The following NRG3 variants were observed in gnomAD, a reference collection of about 807,000 sequenced individuals.
NRG3 encodes the protein pro-neuregulin-3, membrane-bound isoform.
Under a neutral mutation model 66.9 loss-of-function variants are expected in NRG3, and 31 were observed. That is an observed-to-expected ratio of 0.46 (90% confidence interval 0.35 to 0.63). The LOEUF (loss-of-function observed/expected upper bound fraction) is 0.63. NRG3 is among the 20% of genes least tolerant of loss of function. NRG3 has a pLI of 0.00. For missense variants in NRG3, 910 were observed against 878.9 expected (o/e 1.04, Z -0.45); for synonymous variants, 393 against 359.4 (o/e 1.09, Z -1.06).
intron 1 of NRG3, among the ~76,000 whole-genome samples, chr10:82,292,758 A>C (rs963786233): frequency 6.6e-6 from 1 of 152,218 alleles, no homozygotes; most frequent in Non-Finnish European, 1.5e-5. Context: ...CACATACTTC[A>C]TGGCACCATT....
At chr10:82,822,139 G>C (rs1271266491) in intron 3 of NRG3, among the ~76,000 whole-genome samples, 1 of 152,150 alleles carries the variant, frequency 6.6e-6, no homozygotes, top group Admixed American at 6.5e-5. Flanking sequence ...GTTTCTCAGA[G>C]ATGAGTGCAA....
intron 3 of NRG3, among the ~76,000 whole-genome samples, chr10:82,748,272 A>AAACAACC (rs1376442663): frequency 1.3e-5 from 2 of 151,700 alleles, no homozygotes; most frequent in Non-Finnish European, 2.9e-5. Context: ...TATGCTTGAA[A>AAACAACC]AACAACCAAT....
chr10:82,418,789 CAG>C (rs2088832597), intron 2 of NRG3, among the ~76,000 whole-genome samples: 1 of 151,372 alleles, frequency 6.6e-6, no homozygotes, highest in South Asian at 2.1e-4. Context: ...TTTTTGGAGA[CAG>C]AGTCTCCCTA....
intron 2 of NRG3, among the ~76,000 whole-genome samples, chr10:82,365,058 A>G (rs1044465203): frequency 6.6e-6 from 1 of 152,192 alleles, no homozygotes; most frequent in Non-Finnish European, 1.5e-5. Flanking sequence ...TTGCGTAACG[A>G]CAATTCTACG....
intron 2 of NRG3, among the ~76,000 whole-genome samples, chr10:82,470,293 A>G (rs1564958921): frequency 6.6e-6 from 1 of 152,230 alleles, no homozygotes; most frequent in Non-Finnish European, 1.5e-5. Context: ...GAAGCCAGAT[A>G]GAGGTAGATG....
intron 1 of NRG3, among the ~76,000 whole-genome samples, chr10:81,982,760 GCCTCATTTTTACTTAATCA>G: frequency 1.3e-5 from 2 of 152,224 alleles, no homozygotes; most frequent in Middle Eastern, 6.8e-3. Flanking sequence ...CACCCTAAGA[GCCTCATTTTTACTTAATCA>G]CCTCTTTAGA....
At position 82,752,696 on chromosome 10, in the gene NRG3, TCAGAGTGAAGTC is replaced by T. The variant is rs534974914; in HGVS notation, c.1027+14048_1027+14059del. Among the ~76,000 whole-genome samples, 71 of 152,312 alleles carry T rather than the reference TCAGAGTGAAGTC, an allele frequency of 4.7e-4. 1 individual carries two copies. The South Asian group carries it at 0.013, about 29-fold the overall frequency. On this transcript the variant is annotated intron_variant, in intron 3 of 8. Coordinates refer to ENST00000372141, the MANE Select transcript of NRG3 (RefSeq NM_001010848.4). ...TGACATTAGGAGGTAGATTAGATCATCAGAGTGAAGTCCTCATGAATGGGATTAATGACCTTA... is the reference window on the plus strand; with the variant it reads ...TGACATTAGGAGGTAGATTAGATCATCTCATGAATGGGATTAATGACCTTA...
intron 1 of NRG3, among the ~76,000 whole-genome samples, chr10:82,146,701 G>A (rs544287558): frequency 2.6e-4 from 39 of 152,144 alleles, no homozygotes; most frequent in Middle Eastern, 3.2e-3. Flanking sequence ...TATGGAAGGA[G>A]GTGGGAAGTG....
intron 2 of NRG3, among the ~76,000 whole-genome samples, chr10:82,721,548 G>A (rs541861579): frequency 4.6e-5 from 7 of 151,964 alleles, no homozygotes; most frequent in Non-Finnish European, 1.0e-4. Flanking sequence ...TCAGCCTTTC[G>A]AGTAGCTAGG....
At chr10:82,684,572 C>CT (rs144542958) in intron 2 of NRG3, among the ~76,000 whole-genome samples, 14 of 151,968 alleles carry the variant, frequency 9.2e-5, no homozygotes, top group Non-Finnish European at 1.6e-4. Context: ...TTACTGCTTT[C>CT]TTTTTTTCTT....
chr10:81,884,539 A>G (rs1444976604), intron 1 of NRG3, among the ~76,000 whole-genome samples: 2 of 152,222 alleles, frequency 1.3e-5, no homozygotes, highest in African/African-American at 4.8e-5. Flanking sequence ...ATTTAAAAAT[A>G]AAAACAACAA....
At chr10:82,757,487 G>C (rs991927062) in intron 3 of NRG3, among the ~76,000 whole-genome samples, 4 of 152,156 alleles carry the variant, frequency 2.6e-5, no homozygotes, top group Non-Finnish European at 5.9e-5. Flanking sequence ...AAAATTCTTC[G>C]GGGAAGGAGC....
intron 2 of NRG3, among the ~76,000 whole-genome samples, chr10:82,406,783 C>T (rs1285026553): frequency 1.3e-5 from 2 of 152,014 alleles, no homozygotes; most frequent in African/African-American, 4.8e-5. Context: ...AGCTTGTTGA[C>T]TTAGAAACTA....
At chr10:81,895,168 A>G (rs562705762) in intron 1 of NRG3, among the ~76,000 whole-genome samples, 4 of 152,172 alleles carry the variant, frequency 2.6e-5, no homozygotes, top group Non-Finnish European at 4.4e-5. Flanking sequence ...CTAACACTCA[A>G]ACCAGAAACT....
chr10:82,631,465 CA>C (rs1170468335), intron 2 of NRG3, among the ~76,000 whole-genome samples: 1 of 152,072 alleles, frequency 6.6e-6, no homozygotes, highest in Non-Finnish European at 1.5e-5. Flanking sequence ...GAGATACATA[CA>C]GTCTGAAAGT....
At chr10:82,099,089 G>T (rs902200289) in intron 1 of NRG3, among the ~76,000 whole-genome samples, 2 of 152,078 alleles carry the variant, frequency 1.3e-5, no homozygotes, top group African/African-American at 4.8e-5. Flanking sequence ...ACAGAGCAAA[G>T]ATTTTAATTT....
intron 2 of NRG3, among the ~76,000 whole-genome samples, chr10:82,639,352 T>C (rs2050412754): frequency 6.6e-6 from 1 of 152,110 alleles, no homozygotes; most frequent in African/African-American, 2.4e-5. Context: ...AGCAGAGCTT[T>C]CATGACCTAA....
chr10:82,157,534 A>C (rs1229600721), intron 1 of NRG3, among the ~76,000 whole-genome samples: 1 of 151,690 alleles, frequency 6.6e-6, no homozygotes. Flanking sequence ...AAATACAGCT[A>C]TTCATAAACT....
rs1846217279 is a variant in NRG3 at position 81,921,165 on chromosome 10, TAAAC to T, written c.823+45006_823+45009del. On this transcript the variant is annotated intron_variant, in intron 1 of 8. Coordinates refer to ENST00000372141, the MANE Select transcript of NRG3 (RefSeq NM_001010848.4). ...AGGCTTGTTATAATAAATAAATAAA[TAAAC>T]AAATAAAAGCCTTTTCTCCCACTTT... 2.6e-5 allele frequency among the ~76,000 whole-genome samples: 4 copies of T among 151,960 alleles called. No homozygotes were observed. The South Asian group carries it at 8.3e-4, about 32-fold the overall frequency.
Sources: allele counts gnomAD v4.1 joint callset (sites outside exome capture counted in the v4.1 genomes callset), GRCh38; gene constraint gnomAD v4.1.1; transcripts MANE v1.5; gene names NCBI Gene and HGNC (gene_info 2026-07-23, HGNC 2026-07-21).